BCKDHB: variants seen among roughly 807,000 people sequenced by gnomAD.
BCKDHB encodes 2-oxoisovalerate dehydrogenase subunit beta, mitochondrial.
A neutral mutation model predicts 48.5 loss-of-function variants in BCKDHB; 41 were observed. That is an observed-to-expected ratio of 0.85 (90% CI 0.66 to 1.10). BCKDHB has a LOEUF of 1.10. Among genes scored for constraint, BCKDHB ranks in the 50% least tolerant of loss-of-function variants. The pLI, the probability that BCKDHB is intolerant of heterozygous loss-of-function variation, is 0.00. For synonymous variants in BCKDHB, 201 were observed against 174.8 expected, an observed-to-expected ratio of 1.15 and a Z score of -1.18; for missense variants, 496 against 494.2, an observed-to-expected ratio of 1.00 and a Z score of -0.03.
the BCKDHB span, among the ~76,000 whole-genome samples, chr6:80,466,512 C>T: frequency 6.6e-6 from 1 of 152,124 alleles, no homozygotes; most frequent in Non-Finnish European, 1.5e-5. Flanking sequence ...TCACTATACA[C>T]ACACACAATA....
intron 8 of BCKDHB, among the ~76,000 whole-genome samples, chr6:80,215,608 G>A (rs1023488735): frequency 6.6e-6 from 1 of 152,162 alleles, no homozygotes; most frequent in Non-Finnish European, 1.5e-5. Context: ...TAAAGAACTG[G>A]TAAATCCTCT....
At chr6:80,154,311 A>C (rs1038626660) in intron 3 of BCKDHB, among the ~76,000 whole-genome samples, 9 of 152,188 alleles carry the variant, frequency 5.9e-5, no homozygotes, top group African/African-American at 2.2e-4. Context: ...GAAACAAATT[A>C]TATCAAGTGA....
chr6:80,225,899 T>C (rs959480284), intron 8 of BCKDHB, among the ~76,000 whole-genome samples: 1 of 152,216 alleles, frequency 6.6e-6, no homozygotes, highest in African/African-American at 2.4e-5. Flanking sequence ...TTTTGTCCAT[T>C]ACCAACCATT....
At chr6:80,447,077 C>G in the BCKDHB span, among the ~76,000 whole-genome samples, 2 of 151,972 alleles carry the variant, frequency 1.3e-5, no homozygotes, top group Non-Finnish European at 2.9e-5. Context: ...AAGCTTGGGA[C>G]CTTGGGCGAG....
intron 8 of BCKDHB, among the ~76,000 whole-genome samples, chr6:80,265,734 G>C (rs750032834): frequency 1.3e-4 from 20 of 152,090 alleles, no homozygotes; most frequent in Non-Finnish European, 2.5e-4. Flanking sequence ...CAGTCAGCTT[G>C]TAATTATAAC....
At chr6:80,138,173 C>T (rs571360616) in intron 3 of BCKDHB, among the ~76,000 whole-genome samples, 4 of 152,200 alleles carry the variant, frequency 2.6e-5, no homozygotes, top group Non-Finnish European at 5.9e-5. Flanking sequence ...TGCTCAGTGG[C>T]AAGTGGTCTA....
At chr6:80,258,067 G>T (rs1337784403) in intron 8 of BCKDHB, among the ~76,000 whole-genome samples, 2 of 152,130 alleles carry the variant, frequency 1.3e-5, no homozygotes, top group East Asian at 3.9e-4. Context: ...TTTTAATTCT[G>T]CCTTTAAATA....
At chr6:80,339,875 G>GTA (rs1276027387) in intron 9 of BCKDHB, among the ~76,000 whole-genome samples, 1 of 152,002 alleles carries the variant, frequency 6.6e-6, no homozygotes, top group Non-Finnish European at 1.5e-5. Context: ...ATTCTCAATA[G>GTA]TAGGGTCTTA....
chr6:80,404,777 G>T, the BCKDHB span, among the ~76,000 whole-genome samples: 1 of 151,884 alleles, frequency 6.6e-6, no homozygotes, highest in Non-Finnish European at 1.5e-5. Flanking sequence ...TTTGTCTCAA[G>T]ATATTTTTTG....
chr6:80,414,372 C>T, the BCKDHB span, among the ~76,000 whole-genome samples: 4 of 151,954 alleles, frequency 2.6e-5, no homozygotes, highest in Non-Finnish European at 4.4e-5. Context: ...TTTTCAGTTC[C>T]TATTTCCAGG....
chr6:80,343,292 CAG>C (rs1312052231), intron 9 of BCKDHB, among the ~76,000 whole-genome samples: 5 of 152,130 alleles, frequency 3.3e-5, no homozygotes, highest in African/African-American at 1.2e-4. Flanking sequence ...GTGAGAAAAA[CAG>C]AAAATGAGAA....
At chr6:80,390,054 T>C in the BCKDHB span, among the ~76,000 whole-genome samples, 15 of 152,184 alleles carry the variant, frequency 9.9e-5, no homozygotes, top group African/African-American at 3.4e-4. Flanking sequence ...CTGGACACTT[T>C]GGGGTCCTCT....
the BCKDHB span, among the ~76,000 whole-genome samples, chr6:80,445,034 C>T: frequency 6.6e-6 from 1 of 152,130 alleles, no homozygotes; most frequent in African/African-American, 2.4e-5. Flanking sequence ...TCTTTTGAGT[C>T]TTCTAAACTG....
chr6:80,238,805 G>C (rs1754241108), intron 8 of BCKDHB, among the ~76,000 whole-genome samples: 1 of 151,950 alleles, frequency 6.6e-6, no homozygotes, highest in South Asian at 2.1e-4. Context: ...CTGTGTCCAA[G>C]TATTCTCATT....
intron 9 of BCKDHB, among the ~76,000 whole-genome samples, chr6:80,308,818 G>A (rs1582545655): frequency 6.6e-6 from 1 of 151,852 alleles, no homozygotes; most frequent in African/African-American, 2.4e-5. Flanking sequence ...TCCTGATCTC[G>A]TCATCTGCCC....
rs16891476 is a variant in BCKDHB at position 80,143,636 on chromosome 6, T to C, written c.343+14407T>C. 6.9e-4 allele frequency among the ~76,000 whole-genome samples: 105 copies of C among 152,272 alleles called. No individual in the cohort carries two copies. In the East Asian group the frequency reaches 0.018, roughly 26 times the overall value. ...TGATGAAGGATCAGTTAGGTAAAGGTTGGCAAATGTCATGTGCTAAGAAAT... is the reference window on the plus strand; with the variant it reads ...TGATGAAGGATCAGTTAGGTAAAGGCTGGCAAATGTCATGTGCTAAGAAAT... On this transcript the variant is annotated intron_variant, in intron 3 of 9. Coordinates refer to ENST00000320393, the MANE Select transcript of BCKDHB (RefSeq NM_183050.4).
chr6:80,380,289 A>G, the BCKDHB span, among the ~76,000 whole-genome samples: 1 of 152,018 alleles, frequency 6.6e-6, no homozygotes, highest in Non-Finnish European at 1.5e-5. Flanking sequence ...TCATATACCT[A>G]TAACCAATGG....
At chr6:80,259,931 A>G (rs1321927506) in intron 8 of BCKDHB, among the ~76,000 whole-genome samples, 1 of 152,174 alleles carries the variant, frequency 6.6e-6, no homozygotes, top group African/African-American at 2.4e-5. Context: ...ACCCCACACC[A>G]TGACTCTATG....
chr6:80,127,162 C>A, intron 1 of BCKDHB: 1 of 252,930 alleles, frequency 4.0e-6, no homozygotes, highest in Non-Finnish European at 7.8e-6. Flanking sequence ...TAGCACATGC[C>A]ACTGGTCATG....
Sources: allele counts gnomAD v4.1 joint callset (sites outside exome capture counted in the v4.1 genomes callset), GRCh38; gene constraint gnomAD v4.1.1; transcripts MANE v1.5; gene names NCBI Gene and HGNC (gene_info 2026-07-23, HGNC 2026-07-21).